The following P2RY12 variants were observed in gnomAD, a reference collection of about 807,000 sequenced individuals.
P2RY12 encodes the protein purinergic receptor P2Y12.
P2RY12 carries 3 observed loss-of-function variants against 4.5 expected under a neutral mutation model. The observed-to-expected ratio is 0.67, with a 90% CI of 0.31 to 1.74. The LOEUF (loss-of-function observed/expected upper bound fraction) is 1.74, where lower values mean the gene tolerates loss of function less well. Ranked by LOEUF, P2RY12 falls within the 40% of genes most tolerant of loss-of-function variation. The probability of loss-of-function intolerance (pLI) is 0.09; values close to 1 mark genes in which losing one functional copy is unlikely to be tolerated. For missense variants in P2RY12, 356 were observed against 407.8 expected (o/e 0.87, Z 1.09); for synonymous variants, 148 against 154.1 (o/e 0.96, Z 0.29).
At chr3:151,351,923 A>T (rs536524991) in intron 1 of P2RY12, among the ~76,000 whole-genome samples, 2 of 152,344 alleles carry the variant, frequency 1.3e-5, no homozygotes, top group Middle Eastern at 3.4e-3. Flanking sequence ...CTAGCATATG[A>T]ACTCACAAAG....
At chr3:151,355,569 T>C (rs1203382992) in intron 1 of P2RY12, among the ~76,000 whole-genome samples, 1 of 152,180 alleles carries the variant, frequency 6.6e-6, no homozygotes. Flanking sequence ...TACTACGACA[T>C]TGAGAAGAAA....
intron 1 of P2RY12, among the ~76,000 whole-genome samples, chr3:151,379,646 T>C (rs543968545): frequency 6.6e-6 from 1 of 152,274 alleles, no homozygotes; most frequent in Non-Finnish European, 1.5e-5. Context: ...TTGGGAAATG[T>C]GCTGAAAAAC....
At chr3:151,377,249 A>T in intron 1 of P2RY12, 1 of 1,294,424 alleles carries the variant, frequency 7.7e-7, no homozygotes, top group Non-Finnish European at 1.1e-6. Flanking sequence ...TGTGTAGCAC[A>T]GTGATTTTTC....
intron 1 of P2RY12, among the ~76,000 whole-genome samples, chr3:151,346,877 A>G (rs1259374254): frequency 5.3e-5 from 8 of 152,122 alleles, no homozygotes; most frequent in Non-Finnish European, 1.2e-4. Flanking sequence ...ATTCCTTGCA[A>G]TTACATGTAA....
chr3:151,350,092 A>G (rs764310143), intron 1 of P2RY12: 1 of 1,613,298 alleles, frequency 6.2e-7, no homozygotes, highest in Non-Finnish European at 8.5e-7. Context: ...TAACCAGCGC[A>G]CAATCCTTCT....
rs1055375431 is a variant in P2RY12 at position 151,341,623 on chromosome 3, A to G, written c.-179-863T>C. Among the ~76,000 whole-genome samples, 7 of 151,672 alleles carry G rather than the reference A, an allele frequency of 4.6e-5. No individual in the cohort carries two copies. In the East Asian group the frequency reaches 1.2e-3, roughly 25 times the overall value. ...TTAAGTTTTAGGGTACATGTGCACA[A>G]TGTGCAGGTTAGTTACATATGTATA... On this transcript the variant is annotated intron_variant, in intron 1 of 2. Transcript: ENST00000302632.
intron 1 of P2RY12, chr3:151,355,117 G>T: frequency 4.4e-6 from 7 of 1,604,130 alleles, no homozygotes; most frequent in Non-Finnish European, 6.0e-6. Context: ...TTATGTTTAT[G>T]TAGTTGGGGA....
intron 1 of P2RY12, among the ~76,000 whole-genome samples, chr3:151,377,359 TTTGA>T (rs1756971230): frequency 6.6e-6 from 1 of 152,210 alleles, no homozygotes; most frequent in South Asian, 2.1e-4. Flanking sequence ...CTTCGGAATA[TTTGA>T]TTGAGTAGGC....
At chr3:151,380,769 A>G (rs1370400854) in intron 1 of P2RY12, among the ~76,000 whole-genome samples, 1 of 152,230 alleles carries the variant, frequency 6.6e-6, no homozygotes, top group African/African-American at 2.4e-5. Flanking sequence ...GTAAAATTTT[A>G]TATATTGCAT....
chr3:151,359,630 C>T (rs890451531), intron 1 of P2RY12, among the ~76,000 whole-genome samples: 1 of 152,128 alleles, frequency 6.6e-6, no homozygotes, highest in Admixed American at 6.6e-5. Context: ...AGCAAGTCAC[C>T]CCACCTTTCT....
chr3:151,369,028 TG>T, intron 1 of P2RY12, among the ~76,000 whole-genome samples: 1 of 152,182 alleles, frequency 6.6e-6, no homozygotes. Context: ...CCCAAAGTGC[TG>T]GGATTACAGG....
chr3:151,359,732 C>T (rs931778177), intron 1 of P2RY12, among the ~76,000 whole-genome samples: 3 of 151,998 alleles, frequency 2.0e-5, no homozygotes, highest in Non-Finnish European at 2.9e-5. Flanking sequence ...TCTGTGACTC[C>T]GTTAGTGTAA....
chr3:151,338,178 G>A lies in P2RY12; in HGVS notation c.668C>T (p.Thr223Met), dbSNP rs148966366. The part of the protein sequence containing the change: ...TKELYRSYVR[T>M]RGVGKVPRKK... ...CCTGGGGACTTTACCTACACCCCTC[G>A]TTCTTACGTATGACCGGTACAGTTC... The change falls in exon 3 of 3, where the codon ACG becomes ATG. Residue 223 changes from threonine to methionine, a missense_variant. By Grantham distance (81) the Thr-to-Met change is moderately conservative. Coordinates refer to ENST00000302632, the MANE Select transcript of P2RY12 (RefSeq NM_022788.5). 5.6e-5 allele frequency: 90 copies of A among 1,613,860 alleles called. No homozygotes were observed. The highest frequency in any genetic ancestry group is 1.6e-4 in the Middle Eastern group (1 of 6,082).
intron 1 of P2RY12, chr3:151,350,286 A>G (rs534428353): frequency 5.0e-6 from 7 of 1,401,184 alleles, no homozygotes; most frequent in East Asian, 2.3e-5. Context: ...AAAGTGTTCT[A>G]TGTCACTGTC....
intron 2 of P2RY12, among the ~76,000 whole-genome samples, chr3:151,340,121 G>A (rs530246448): frequency 3.3e-5 from 5 of 152,084 alleles, no homozygotes; most frequent in East Asian, 1.9e-4. Context: ...CCTATTTAGC[G>A]CTTTAAAATA....
Position 151,372,255 on chromosome 3 carries a change from T to C in P2RY12, c.-180+12437A>G, listed in dbSNP as rs565139656. On this transcript the variant is annotated intron_variant, in intron 1 of 2. Transcript: ENST00000302632. ...TTTGAATACATTCATGCTTGAAATA[T>C]TGGTGAAACCAATGTTCTCTGATTA... 2.0e-5 allele frequency among the ~76,000 whole-genome samples: 3 copies of C among 152,358 alleles called. No homozygotes were observed. The South Asian group carries it at 6.2e-4, about 32-fold the overall frequency.
At chr3:151,380,567 A>G (rs1420872506) in intron 1 of P2RY12, among the ~76,000 whole-genome samples, 1 of 149,322 alleles carries the variant, frequency 6.7e-6, no homozygotes, top group East Asian at 2.0e-4. Context: ...ATTGCACACC[A>G]GCCTGGGAAA....
chr3:151,369,088 G>T (rs1223770925), intron 1 of P2RY12, among the ~76,000 whole-genome samples: 1 of 152,098 alleles, frequency 6.6e-6, no homozygotes, highest in Non-Finnish European at 1.5e-5. Flanking sequence ...TAAGTAAAAG[G>T]AATAAAGTAA....
chr3:151,355,798 G>A, intron 1 of P2RY12: 3 of 1,035,358 alleles, frequency 2.9e-6, no homozygotes, highest in African/African-American at 1.6e-5. Flanking sequence ...GTAGAATCAT[G>A]TATAGATTCA....
Sources: allele counts gnomAD v4.1 joint callset (sites outside exome capture counted in the v4.1 genomes callset), GRCh38; gene constraint gnomAD v4.1.1; transcripts MANE v1.5; gene names NCBI Gene and HGNC (gene_info 2026-07-23, HGNC 2026-07-21).